NOL10: variants seen among roughly 807,000 people sequenced by gnomAD.
NOL10 encodes H_NH0074G24.1.
A neutral mutation model predicts 103.5 loss-of-function variants in NOL10; 58 were observed. The observed-to-expected ratio is 0.56, with a 90% CI of 0.45 to 0.70. The LOEUF (loss-of-function observed/expected upper bound fraction) is 0.70. NOL10 is among the 30% of genes least tolerant of loss of function. NOL10 has a pLI of 0.00. For synonymous variants in NOL10, 287 were observed against 282.5 expected (o/e 1.02, Z -0.16); for missense variants, 763 against 807.3 (o/e 0.95, Z 0.67).
At chr2:10,614,862 C>T (rs1057356395) in intron 13 of NOL10, among the ~76,000 whole-genome samples, 2 of 152,322 alleles carry the variant, frequency 1.3e-5, no homozygotes, top group African/African-American at 4.8e-5. Flanking sequence ...ACCTAGCCTG[C>T]ATCTCCTGTG....
intron 13 of NOL10, among the ~76,000 whole-genome samples, chr2:10,640,276 A>AGAG (rs1678610458): frequency 6.6e-6 from 1 of 152,178 alleles, no homozygotes; most frequent in Non-Finnish European, 1.5e-5. Context: ...AGGCTTTCAG[A>AGAG]CCCCTGGGCT....
intron 13 of NOL10, among the ~76,000 whole-genome samples, chr2:10,609,783 T>C (rs1246127636): frequency 6.6e-6 from 1 of 152,200 alleles, no homozygotes; most frequent in African/African-American, 2.4e-5. Flanking sequence ...AACAGCAATC[T>C]TTTCTTTTCT....
chr2:10,571,000 A>G lies in NOL10; in HGVS notation c.*1071T>C, dbSNP rs1398064281. On this transcript the variant is annotated 3_prime_UTR_variant, in exon 21 of 21. Transcript: ENST00000381685. ...TTGTGTGTTTTGGAATATCTGTATTATATTTACTAGTCAAGTATCCCAAAT... is the reference window on the plus strand; with the variant it reads ...TTGTGTGTTTTGGAATATCTGTATTGTATTTACTAGTCAAGTATCCCAAAT... The G allele has an allele frequency of 6.6e-5, 10 of 152,152 alleles. No homozygotes were observed. The highest frequency in any genetic ancestry group is 1.5e-4 in the Non-Finnish European group (10 of 68,038). 9.4% of individuals were successfully genotyped at this position (152,152 alleles called of 1,614,324 possible).
At chr2:10,674,450 G>A (rs1379744186) in intron 4 of NOL10, among the ~76,000 whole-genome samples, 1 of 152,158 alleles carries the variant, frequency 6.6e-6, no homozygotes, top group Non-Finnish European at 1.5e-5. Context: ...TCCCTTGAGA[G>A]TGTGGGTAGA....
intron 13 of NOL10, among the ~76,000 whole-genome samples, chr2:10,630,488 G>A (rs978645835): frequency 5.3e-5 from 8 of 152,150 alleles, no homozygotes; most frequent in East Asian, 1.9e-4. Flanking sequence ...TGAGGCGGGC[G>A]GATCATGAGG....
At chr2:10,605,998 TA>T (rs1164305110) in intron 14 of NOL10, among the ~76,000 whole-genome samples, 1 of 152,192 alleles carries the variant, frequency 6.6e-6, no homozygotes, top group Non-Finnish European at 1.5e-5. Context: ...TTGCCTTGTA[TA>T]AAATGGATCC....
chr2:10,633,496 T>C (rs184679866), intron 13 of NOL10, among the ~76,000 whole-genome samples: 3 of 151,772 alleles, frequency 2.0e-5, no homozygotes, highest in South Asian at 2.1e-4. Flanking sequence ...TCCCCACTTA[T>C]GGTAACAGTG....
chr2:10,678,431 A>AG (rs1365770221), intron 3 of NOL10, among the ~76,000 whole-genome samples: 1 of 142,216 alleles, frequency 7.0e-6, no homozygotes, highest in Non-Finnish European at 1.6e-5. Context: ...TAAAAAAAAA[A>AG]AAAAACACTA....
intron 19 of NOL10, among the ~76,000 whole-genome samples, chr2:10,583,677 T>G (rs1442521174): frequency 6.6e-6 from 1 of 152,178 alleles, no homozygotes; most frequent in East Asian, 1.9e-4. Flanking sequence ...GATGGTGGAG[T>G]TTGTGCTCCT....
chr2:10,618,032 A>G (rs1676922795), intron 13 of NOL10, among the ~76,000 whole-genome samples: 1 of 61,048 alleles, frequency 1.6e-5, no homozygotes, highest in African/African-American at 7.3e-5. Flanking sequence ...TGTACACTTC[A>G]TGTTTTTTTT....
intron 13 of NOL10, among the ~76,000 whole-genome samples, chr2:10,639,409 G>A (rs749014330): frequency 3.9e-5 from 6 of 152,118 alleles, no homozygotes; most frequent in African/African-American, 9.7e-5. Flanking sequence ...GCGACAGAGC[G>A]AGACTCCATC....
chr2:10,587,232 T>C (rs56289710), intron 19 of NOL10, among the ~76,000 whole-genome samples: 2 of 55,036 alleles, frequency 3.6e-5, no homozygotes, highest in African/African-American at 2.1e-4. Context: ...TATATACATA[T>C]ATATATACAT....
In NOL10 at chr2:10,572,181, G is replaced by A; in HGVS notation, c.1957C>T (p.Gln653Ter). The A allele has an allele frequency of 1.2e-6, 2 of 1,613,820 alleles. No homozygotes were observed. Among genetic ancestry groups the A allele is most frequent in the Non-Finnish European group, 1.7e-6 (2 of 1,179,826 alleles). ...LTFTLKRSEQ[Q>*]KKQQEAEKLH... The stretch of plus-strand genomic sequence containing the variant: ...TTCTCAGCCTCCTGTTGCTTCTTCT[G>A]CTGTTCAGACTAAAAGAGAAAATGA... Residue 653 changes from glutamine to a stop codon, truncating the protein, a stop_gained, in exon 21 of 21, where the codon CAG becomes TAG. Transcript: ENST00000381685. LOFTEE classifies it high-confidence loss of function.
At chr2:10,602,383 G>T (rs1676023760) in intron 16 of NOL10, among the ~76,000 whole-genome samples, 1 of 152,206 alleles carries the variant, frequency 6.6e-6, no homozygotes, top group Non-Finnish European at 1.5e-5. Context: ...GTTTACGACT[G>T]TCGACCATTT....
intron 19 of NOL10, among the ~76,000 whole-genome samples, chr2:10,587,096 T>C (rs1231702815): frequency 3.0e-5 from 1 of 33,786 alleles, no homozygotes; most frequent in Non-Finnish European, 6.7e-5. Flanking sequence ...TACATATATA[T>C]ACACATATAT....
rs147067745 is a variant in NOL10, at chr2:10,619,086, T to C, written c.1027-11775A>G. ...GAAAACCAGATATTCCTAAAACATT[T>C]AGGAACAGGACATACAGAATTACTT... On this transcript the variant is annotated intron_variant, in intron 13 of 20. Coordinates refer to ENST00000381685, the MANE Select transcript of NOL10 (RefSeq NM_024894.4). 5.0e-3 allele frequency among the ~76,000 whole-genome samples: 758 copies of C among 152,304 alleles called. 6 individuals carry two copies. The highest frequency in any genetic ancestry group is 0.011 in the Admixed American group (163 of 15,302).
intron 7 of NOL10, among the ~76,000 whole-genome samples, chr2:10,668,308 A>G (rs1422181619): frequency 6.6e-6 from 1 of 152,206 alleles, no homozygotes; most frequent in Non-Finnish European, 1.5e-5. Flanking sequence ...GAGCATAAAA[A>G]TTTAAAAATG....
intron 14 of NOL10, among the ~76,000 whole-genome samples, chr2:10,605,501 A>G (rs12692416): frequency 0.59 from 89,986 of 152,066 alleles, 27,644 homozygotes; most frequent in African/African-American, 0.74. Context: ...TTTCTAGTAT[A>G]ACTGTCATTT....
chr2:10,645,923 C>T (rs1300420892), intron 12 of NOL10, among the ~76,000 whole-genome samples: 1 of 131,530 alleles, frequency 7.6e-6, no homozygotes, highest in African/African-American at 3.4e-5. Flanking sequence ...AATATATGCA[C>T]ACAAAACACA....
Sources: allele counts gnomAD v4.1 joint callset (sites outside exome capture counted in the v4.1 genomes callset), GRCh38; gene constraint gnomAD v4.1.1; transcripts MANE v1.5; gene names NCBI Gene and HGNC (gene_info 2026-07-23, HGNC 2026-07-21).